The following DDI2 variants were observed in gnomAD, a reference collection of about 807,000 sequenced individuals.
The protein encoded by DDI2 is protein DDI1 homolog 2.
DDI2 carries 5 observed loss-of-function variants against 48.1 expected under a neutral mutation model. The ratio of observed to expected loss-of-function variants is 0.10; its 90% confidence interval spans 0.05 to 0.22. The LOEUF is 0.22. Ranked by LOEUF, DDI2 falls within the 10% of genes least tolerant of loss-of-function variation. DDI2 has a pLI of 1.00. For synonymous variants in DDI2, 205 were observed against 183.6 expected, an observed-to-expected ratio of 1.12 and a Z score of -0.94; for missense variants, 285 against 506.2, an observed-to-expected ratio of 0.56 and a Z score of 4.19.
intron 8 of DDI2, among the ~76,000 whole-genome samples, chr1:15,653,005 A>G (rs1489397440): frequency 6.6e-6 from 1 of 152,128 alleles, no homozygotes; most frequent in East Asian, 1.9e-4. Flanking sequence ...ACACTATCTC[A>G]TAAAAAAGAG....
intron 2 of DDI2, among the ~76,000 whole-genome samples, chr1:15,629,273 A>T (rs1639806010): frequency 6.6e-6 from 1 of 152,200 alleles, no homozygotes; most frequent in Admixed American, 6.5e-5. Flanking sequence ...AGCATCTAAT[A>T]TTTATGCTGC....
At position 15,628,583 on chromosome 1, in the gene DDI2, T is replaced by G. The variant is rs551693873; in HGVS notation, c.269-1742T>G. Among the ~76,000 whole-genome samples the G allele has an allele frequency of 7.9e-5, 12 of 152,336 alleles. No homozygotes were observed. The South Asian group carries it at 1.2e-3, about 16-fold the overall frequency. ...GCACAGTTATCCTTAAGAAAAGTAT[T>G]CAGTTGTTCAGACAAGTTTGACCAT... On this transcript the variant is annotated intron_variant, in intron 2 of 9. Transcript: ENST00000480945.
chr1:15,655,244 G>A (rs777238116), intron 8 of DDI2, among the ~76,000 whole-genome samples: 5 of 152,048 alleles, frequency 3.3e-5, no homozygotes, highest in Non-Finnish European at 5.9e-5. Context: ...TACATATCAG[G>A]TCCTTTTTAT....
chr1:15,661,769 G>C lies in DDI2; in HGVS notation c.*1979G>C. Reference sequence around the variant, plus strand: ...CGTTCTCCATTCCCTTTAAACAAAAGAAAGCTCTCTCTATATACACGCACA... The same window carrying C: ...CGTTCTCCATTCCCTTTAAACAAAACAAAGCTCTCTCTATATACACGCACA... On this transcript the variant is annotated 3_prime_UTR_variant, in exon 10 of 10. Transcript: ENST00000480945. 7 of 1,544,754 alleles carry C rather than the reference G, an allele frequency of 4.5e-6. No homozygotes were observed. Among genetic ancestry groups the C allele is most frequent in the Non-Finnish European group, 6.1e-6 (7 of 1,147,542 alleles).
At chr1:15,619,796 C>G (rs1639629125) in intron 1 of DDI2, among the ~76,000 whole-genome samples, 1 of 152,036 alleles carries the variant, frequency 6.6e-6, no homozygotes, top group African/African-American at 2.4e-5. Flanking sequence ...TTATATTACC[C>G]TGGTTATGAT....
At position 15,662,544 on chromosome 1, in the gene DDI2, G is replaced by A. The variant is rs1640398803; in HGVS notation, c.*2754G>A. 1 of 152,142 alleles carries A rather than the reference G, an allele frequency of 6.6e-6. No homozygotes were observed. The highest frequency in any genetic ancestry group is 1.5e-5 in the Non-Finnish European group (1 of 68,022). The allele number at this position is 152,142 out of a possible 1,614,324, so 9.4% of individuals were successfully genotyped here. ...CAAGAACTGTGAGGGAAAAATAATGGCCTAAACACTGGAATTTGCTAGAGT... is the reference window on the plus strand; with the variant it reads ...CAAGAACTGTGAGGGAAAAATAATGACCTAAACACTGGAATTTGCTAGAGT... On this transcript the variant is annotated 3_prime_UTR_variant, in exon 10 of 10. Transcript: ENST00000480945.
chr1:15,617,894 G>A (rs1639588901), intron 1 of DDI2, 86 bp downstream of exon 1: 2 of 1,404,172 alleles, frequency 1.4e-6, no homozygotes, highest in African/African-American at 2.9e-5. Flanking sequence ...TACTGGTGAA[G>A]AATTGGGGGC....
chr1:15,649,014 G>C (rs1397286863), intron 6 of DDI2, among the ~76,000 whole-genome samples: 1 of 151,698 alleles, frequency 6.6e-6, no homozygotes, highest in East Asian at 2.0e-4. Context: ...AGGGATGACT[G>C]CCTGAGGCCA....
intron 2 of DDI2, 64 bp downstream of exon 2, chr1:15,626,862 C>T: frequency 1.2e-6 from 2 of 1,601,932 alleles, no homozygotes; most frequent in Non-Finnish European, 1.7e-6. Context: ...AGCATAGCAC[C>T]TCAGAGTTTT....
chr1:15,649,462 A>G (rs747233922), intron 6 of DDI2, among the ~76,000 whole-genome samples: 2 of 152,074 alleles, frequency 1.3e-5, no homozygotes, highest in African/African-American at 4.8e-5. Context: ...CCTGAGGCCA[A>G]GAGTTTGAGA....
rs770647934 is a variant in DDI2, at chr1:15,661,038, C to A, written c.*1248C>A. 2 of 1,614,122 alleles carry A rather than the reference C, an allele frequency of 1.2e-6. No individual in the cohort carries two copies. The highest frequency in any genetic ancestry group is 2.2e-5 in the South Asian group (2 of 91,074). ...CAGAAACCATAGCTGAGGGCCAAAC[C>A]AGTATTAAAGACCTTTCTGAAAGAT... On this transcript the variant is annotated 3_prime_UTR_variant, in exon 10 of 10. Transcript: ENST00000480945.
chr1:15,654,373 C>T (rs566810402), intron 8 of DDI2, among the ~76,000 whole-genome samples: 1 of 152,116 alleles, frequency 6.6e-6, no homozygotes, highest in Non-Finnish European at 1.5e-5. Context: ...CAGTTTGAGT[C>T]AGGGCGTGGT....
At chr1:15,622,913 A>T (rs1639692613) in intron 1 of DDI2, among the ~76,000 whole-genome samples, 1 of 152,210 alleles carries the variant, frequency 6.6e-6, no homozygotes, top group Non-Finnish European at 1.5e-5. Flanking sequence ...CGTCAGTGTG[A>T]GGAACGTGTG....
intron 5 of DDI2, among the ~76,000 whole-genome samples, chr1:15,640,845 G>T (rs1639996002): frequency 6.6e-6 from 1 of 152,098 alleles, no homozygotes; most frequent in African/African-American, 2.4e-5. Flanking sequence ...GGAAGTGTTG[G>T]AATTGAGTGA....
Position 15,659,933 on chromosome 1 carries a change from A to G in DDI2, c.*143A>G. On this transcript the variant is annotated 3_prime_UTR_variant, in exon 10 of 10. Transcript: ENST00000480945. ...GCCCGTTCTTCAGGACAGAGTCCTG[A>G]TGTTGGTAATCCTATGAGTCTTGCT... 1 of 1,613,504 alleles carries G rather than the reference A, an allele frequency of 6.2e-7. No individual in the cohort carries two copies. The highest frequency in any genetic ancestry group is 8.5e-7 in the Non-Finnish European group (1 of 1,179,818).
chr1:15,627,774 A>T (rs1364194016), intron 2 of DDI2, among the ~76,000 whole-genome samples: 1 of 152,200 alleles, frequency 6.6e-6, no homozygotes, highest in Non-Finnish European at 1.5e-5. Flanking sequence ...ACCAGTTTTA[A>T]AGTTTATGGT....
chr1:15,645,477 G>C (rs1640076446), intron 6 of DDI2, among the ~76,000 whole-genome samples: 3 of 152,152 alleles, frequency 2.0e-5, no homozygotes, highest in South Asian at 4.1e-4. Context: ...CTTCAACTTT[G>C]TCTTCCAACC....
intron 4 of DDI2, 32 bp downstream of exon 4, chr1:15,633,597 T>C (rs764964935): frequency 3.1e-6 from 5 of 1,602,994 alleles, no homozygotes; most frequent in African/African-American, 2.7e-5. Context: ...GAACAAAACT[T>C]AGAGACTCCA....
intron 6 of DDI2, among the ~76,000 whole-genome samples, chr1:15,644,662 C>T (rs1231869325): frequency 2.3e-5 from 3 of 131,024 alleles, no homozygotes; most frequent in East Asian, 2.4e-4. Flanking sequence ...GGCGCTATCT[C>T]GGCTCACTGC....
Sources: gnomAD v4.1 joint callset for allele counts (sites outside exome capture counted in the v4.1 genomes callset) on GRCh38, gnomAD v4.1.1 for gene constraint, MANE v1.5 for transcripts, NCBI Gene and HGNC (gene_info 2026-07-23, HGNC 2026-07-21) for gene names.